BBX: variants seen among roughly 807,000 people sequenced by gnomAD.
BBX encodes BBX high mobility group box domain containing, also known as HMG box transcription factor BBX.
Under a neutral mutation model 100.2 loss-of-function variants are expected in BBX, and 30 were observed. The observed-to-expected ratio is 0.30, with a 90% CI of 0.22 to 0.41. BBX has a LOEUF of 0.41. Ranked by LOEUF, BBX falls within the 10% of genes least tolerant of loss-of-function variation. The probability of loss-of-function intolerance (pLI) is 1.00; values close to 1 mark genes in which losing one functional copy is unlikely to be tolerated. For missense variants in BBX, 1,023 were observed against 1,129.8 expected (o/e 0.91, Z 1.35); for synonymous variants, 376 against 388.1 (o/e 0.97, Z 0.37).
chr3:107,793,692 A>C (rs2069295632), intron 15 of BBX, among the ~76,000 whole-genome samples: 1 of 152,310 alleles, frequency 6.6e-6, no homozygotes, highest in East Asian at 1.9e-4. Flanking sequence ...AATCCTGCTC[A>C]AATGTTAGAC....
intron 13 of BBX, among the ~76,000 whole-genome samples, chr3:107,783,666 C>T (rs537519467): frequency 6.6e-6 from 1 of 152,000 alleles, no homozygotes; most frequent in Admixed American, 6.6e-5. Context: ...TCCATGATTG[C>T]CTATGTATCA....
chr3:107,523,294 C>T (rs974832553), intron 1 of BBX, among the ~76,000 whole-genome samples, 187 bp downstream of exon 1: 3 of 151,908 alleles, frequency 2.0e-5, no homozygotes, highest in African/African-American at 4.8e-5. Flanking sequence ...CCCGCGCGTC[C>T]GGAGCCGCCG....
intron 2 of BBX, among the ~76,000 whole-genome samples, chr3:107,588,656 C>T (rs1697692): frequency 0.46 from 70,524 of 151,830 alleles, 17,250 homozygotes; most frequent in Middle Eastern, 0.59. Context: ...TAAAAATATA[C>T]ACTTTGGCCA....
At chr3:107,622,502 T>C (rs1052187258) in intron 2 of BBX, among the ~76,000 whole-genome samples, 1 of 152,176 alleles carries the variant, frequency 6.6e-6, no homozygotes, top group African/African-American at 2.4e-5. Flanking sequence ...AATATCCAGA[T>C]TTTTTCAGAG....
intron 7 of BBX, among the ~76,000 whole-genome samples, chr3:107,740,001 CCAG>C (rs752034376): frequency 2.0e-5 from 3 of 152,046 alleles, no homozygotes; most frequent in Non-Finnish European, 4.4e-5. Flanking sequence ...AATCCATACT[CCAG>C]CAGCCCTGAT....
In BBX at chr3:107,777,167, C is replaced by T. The variant is rs147511588; in HGVS notation, c.2055-1204C>T. On this transcript the variant is annotated intron_variant, in intron 12 of 17. Coordinates refer to ENST00000325805, the MANE Select transcript of BBX (RefSeq NM_001142568.3). ...AATCATACCTTTGTCTATCATATTT[C>T]ACTGTACAATATGCATGTATAGGAA... Among the ~76,000 whole-genome samples the T allele has an allele frequency of 6.2e-3, 944 of 152,272 alleles. 9 individuals carry two copies. Among genetic ancestry groups the T allele is most frequent in the African/African-American group, 0.021 (890 of 41,542 alleles).
chr3:107,738,573 A>G (rs1162989843), intron 7 of BBX, among the ~76,000 whole-genome samples: 1 of 152,214 alleles, frequency 6.6e-6, no homozygotes, highest in Non-Finnish European at 1.5e-5. Flanking sequence ...GTAAAGTAAC[A>G]GCCCACGATG....
At chr3:107,768,977 G>A (rs529777014) in intron 10 of BBX, among the ~76,000 whole-genome samples, 4 of 113,244 alleles carry the variant, frequency 3.5e-5, no homozygotes, top group South Asian at 7.1e-4. Flanking sequence ...AGGCAACATA[G>A]CAAGATGCCT....
chr3:107,561,021 T>G (rs995351308), intron 2 of BBX, among the ~76,000 whole-genome samples: 12 of 152,200 alleles, frequency 7.9e-5, no homozygotes, highest in Non-Finnish European at 1.6e-4. Context: ...ATCCCTGGCC[T>G]TTTAACTACT....
intron 2 of BBX, among the ~76,000 whole-genome samples, chr3:107,631,967 GA>G (rs1361947780): frequency 6.6e-5 from 10 of 152,234 alleles, no homozygotes; most frequent in African/African-American, 2.2e-4. Flanking sequence ...ATGGTTTTCA[GA>G]ATTCTTAATT....
At chr3:107,697,166 A>G (rs1374108127) in intron 3 of BBX, among the ~76,000 whole-genome samples, 5 of 151,752 alleles carry the variant, frequency 3.3e-5, no homozygotes, top group Non-Finnish European at 7.4e-5. Context: ...GCTCGGAGTA[A>G]TTTGATCGTC....
intron 2 of BBX, among the ~76,000 whole-genome samples, chr3:107,594,534 C>A (rs574052164): frequency 5.3e-5 from 8 of 152,080 alleles, no homozygotes; most frequent in Non-Finnish European, 1.2e-4. Context: ...CCAGAGAGAT[C>A]GCATTTCTGA....
chr3:107,547,845 A>T (rs1309056535), intron 2 of BBX, among the ~76,000 whole-genome samples: 1 of 151,618 alleles, frequency 6.6e-6, no homozygotes, highest in East Asian at 1.9e-4. Context: ...TGAGACTGAG[A>T]CTTTGAGAGG....
At chr3:107,637,671 A>G (rs893422335) in intron 2 of BBX, among the ~76,000 whole-genome samples, 1 of 152,198 alleles carries the variant, frequency 6.6e-6, no homozygotes, top group African/African-American at 2.4e-5. Context: ...ATCAACTCCT[A>G]CAAGGGCAGC....
intron 2 of BBX, among the ~76,000 whole-genome samples, chr3:107,528,484 A>C (rs1461974369): frequency 6.6e-6 from 1 of 152,206 alleles, no homozygotes; most frequent in Admixed American, 6.5e-5. Flanking sequence ...TGAAACATTA[A>C]GAAAATGTAT....
rs145538347 is a variant in BBX, at chr3:107,548,259, G to T, written c.-84+21861G>T. On this transcript the variant is annotated intron_variant, in intron 2 of 17. Transcript: ENST00000325805. Reference sequence around the variant, plus strand: ...TTGAAGTCATTTTGAAAATTAAAAAGATACTACCTATATAAAGCTACTTAC... The same window carrying T: ...TTGAAGTCATTTTGAAAATTAAAAATATACTACCTATATAAAGCTACTTAC... Among the ~76,000 whole-genome samples the T allele has an allele frequency of 3.9e-5, 6 of 152,234 alleles. No homozygotes were observed. The East Asian group carries it at 1.2e-3, about 29-fold the overall frequency.
intron 2 of BBX, among the ~76,000 whole-genome samples, chr3:107,578,866 T>G (rs537817508): frequency 6.6e-6 from 1 of 152,010 alleles, no homozygotes; most frequent in East Asian, 1.9e-4. Context: ...AATGCAAGAG[T>G]AGCAAATTTG....
At chr3:107,718,183 A>T (rs971837996) in intron 5 of BBX, among the ~76,000 whole-genome samples, 1 of 148,134 alleles carries the variant, frequency 6.8e-6, no homozygotes, top group African/African-American at 2.4e-5. Flanking sequence ...TACCATAATT[A>T]TTAATTATAT....
intron 2 of BBX, among the ~76,000 whole-genome samples, chr3:107,597,595 G>A (rs1228392380): frequency 6.6e-6 from 1 of 152,058 alleles, no homozygotes; most frequent in African/African-American, 2.4e-5. Flanking sequence ...GTTTACATAA[G>A]TTGAAAGAAT....
Sources: allele counts gnomAD v4.1 joint callset (sites outside exome capture counted in the v4.1 genomes callset), GRCh38; gene constraint gnomAD v4.1.1; transcripts MANE v1.5; gene names NCBI Gene and HGNC (gene_info 2026-07-23, HGNC 2026-07-21).